Variants in PDE4D observed in about 807,000 individuals in gnomAD.
PDE4D encodes phosphodiesterase 4D.
PDE4D carries 24 observed loss-of-function variants against 87.4 expected under a neutral mutation model. The observed-to-expected ratio is 0.27, with a 90% CI of 0.20 to 0.39. The LOEUF is 0.39. PDE4D is among the 10% of genes least tolerant of loss of function. The pLI, the probability that PDE4D is intolerant of heterozygous loss-of-function variation, is 1.00. For synonymous variants in PDE4D, 384 were observed against 383.2 expected (o/e 1.00, Z -0.02); for missense variants, 714 against 1,041.0 (o/e 0.69, Z 4.32).
intron 1 of PDE4D, among the ~76,000 whole-genome samples, chr5:60,408,517 A>C (rs898106815): frequency 6.6e-6 from 1 of 152,210 alleles, no homozygotes; most frequent in Non-Finnish European, 1.5e-5. Context: ...TCCTTCTGTC[A>C]ATCACATAAT....
intron 1 of PDE4D, among the ~76,000 whole-genome samples, chr5:59,499,722 G>A (rs537208389): frequency 6.6e-6 from 1 of 151,984 alleles, no homozygotes; most frequent in African/African-American, 2.4e-5. Flanking sequence ...GATTAAACCA[G>A]GAAGAAACTG....
At chr5:59,762,266 AT>A (rs1457408638) in intron 1 of PDE4D, among the ~76,000 whole-genome samples, 2 of 44,250 alleles carry the variant, frequency 4.5e-5, no homozygotes, top group African/African-American at 1.6e-4. Flanking sequence ...ATATGCGTAT[AT>A]GTGTATATGG....
At chr5:59,850,035 C>A (rs1171337681) in intron 1 of PDE4D, among the ~76,000 whole-genome samples, 1 of 151,960 alleles carries the variant, frequency 6.6e-6, no homozygotes, top group African/African-American at 2.4e-5. Context: ...TATATCCATA[C>A]TAGAGATTTG....
At chr5:60,486,342 C>T (rs1359145100) in intron 1 of PDE4D, among the ~76,000 whole-genome samples, 2 of 152,194 alleles carry the variant, frequency 1.3e-5, no homozygotes, top group East Asian at 3.9e-4. Flanking sequence ...TATTCTGGGT[C>T]AATAAATGAA....
rs537409607 is a variant in PDE4D at position 59,435,263 on chromosome 5, G to A, written c.456-219295C>T. Among the ~76,000 whole-genome samples, 18 of 152,178 alleles carry A rather than the reference G, an allele frequency of 1.2e-4. 1 individual carries two copies. The South Asian group carries it at 3.7e-3, about 32-fold the overall frequency. ...AAGGACATGAACATGTGAGTCCTTTGCTTGAAATTATCCAATAGTTCCACA... is the reference window on the plus strand; with the variant it reads ...AAGGACATGAACATGTGAGTCCTTTACTTGAAATTATCCAATAGTTCCACA... On this transcript the variant is annotated intron_variant, in intron 1 of 14. Transcript: ENST00000340635.
chr5:59,559,059 TATTTAAATCAA>T lies in PDE4D; in HGVS notation c.455+334098_455+334108del, dbSNP rs1284673480. 1.2e-4 allele frequency among the ~76,000 whole-genome samples: 18 copies of T among 152,274 alleles called. No homozygotes were observed. In the East Asian group the frequency reaches 2.5e-3, roughly 21 times the overall value. On this transcript the variant is annotated intron_variant, in intron 1 of 14. Coordinates refer to ENST00000340635, the MANE Select transcript of PDE4D (RefSeq NM_001104631.2). ...AAAGAGCATGAGCCAGAAATACTCA[TATTTAAATCAA>T]ATTATGGCTCTGTGCTCTGTGGTCA...
At chr5:59,349,259 A>G (rs1780121744) in intron 1 of PDE4D, among the ~76,000 whole-genome samples, 1 of 152,142 alleles carries the variant, frequency 6.6e-6, no homozygotes, top group Admixed American at 6.6e-5. Context: ...AGGCTTGTCA[A>G]TTATAGTTTG....
intron 5 of PDE4D, among the ~76,000 whole-genome samples, chr5:59,088,611 T>G (rs1372372372): frequency 6.6e-6 from 1 of 152,194 alleles, no homozygotes; most frequent in African/African-American, 2.4e-5. Flanking sequence ...CATGGAATAC[T>G]ATGAAGCCAT....
chr5:60,091,937 G>T (rs1394485118), intron 2 of PDE4D, among the ~76,000 whole-genome samples: 1 of 150,732 alleles, frequency 6.6e-6, no homozygotes, highest in African/African-American at 2.4e-5. Flanking sequence ...TGTAGTCCCA[G>T]CTACTCGGGA....
At chr5:59,037,489 G>A (rs1498605) in intron 6 of PDE4D, among the ~76,000 whole-genome samples, 34,988 of 152,122 alleles carry the variant, frequency 0.23, 5,551 homozygotes, top group East Asian at 0.76. Flanking sequence ...TTGTTACTCA[G>A]ATGAGAATAA....
At chr5:59,279,415 CTTTTA>C (rs1765409363) in intron 1 of PDE4D, among the ~76,000 whole-genome samples, 1 of 151,962 alleles carries the variant, frequency 6.6e-6, no homozygotes, top group Non-Finnish European at 1.5e-5. Flanking sequence ...CTAGAGGTTT[CTTTTA>C]TTTTATTACA....
At chr5:59,776,607 G>A (rs1328756784) in intron 1 of PDE4D, among the ~76,000 whole-genome samples, 1 of 152,136 alleles carries the variant, frequency 6.6e-6, no homozygotes, top group Admixed American at 6.5e-5. Context: ...TGATATCTGA[G>A]TCACAGCTTG....
At chr5:59,785,082 AC>A (rs1490946999) in intron 1 of PDE4D, among the ~76,000 whole-genome samples, 1 of 152,208 alleles carries the variant, frequency 6.6e-6, no homozygotes, top group African/African-American at 2.4e-5. Context: ...ATGAACTAAT[AC>A]AATGGGCAAA....
chr5:60,496,572 T>C (rs1215558264), intron 1 of PDE4D, among the ~76,000 whole-genome samples: 1 of 152,046 alleles, frequency 6.6e-6, no homozygotes, highest in Non-Finnish European at 1.5e-5. Flanking sequence ...TGTACTCACA[T>C]AATGAAAGAA....
At chr5:59,893,024 C>G in intron 1 of PDE4D, 144 bp downstream of exon 1, 1 of 790,292 alleles carries the variant, frequency 1.3e-6, no homozygotes, top group South Asian at 1.8e-5. Context: ...GATAGGCACA[C>G]CCCTGTTTGT....
chr5:59,544,946 A>C, intron 1 of PDE4D, among the ~76,000 whole-genome samples: 1 of 152,134 alleles, frequency 6.6e-6, no homozygotes, highest in Middle Eastern at 3.2e-3. Context: ...ATCTCACTCA[A>C]ATGTGTGGAT....
At chr5:60,439,770 C>G (rs756994080) in intron 1 of PDE4D, among the ~76,000 whole-genome samples, 17 of 152,090 alleles carry the variant, frequency 1.1e-4, no homozygotes, top group African/African-American at 9.7e-5. Flanking sequence ...CATGCAGTCT[C>G]TCACCTACAA....
At chr5:59,771,499 G>GAGAGAGAGAAGAAAGA (rs1554081503) in intron 1 of PDE4D, among the ~76,000 whole-genome samples, 2 of 19,730 alleles carry the variant, frequency 1.0e-4, no homozygotes, top group African/African-American at 1.4e-4. Context: ...GAGAGAGAGA[G>GAGAGAGAGAAGAAAGA]AAGAAAGAAA....
intron 1 of PDE4D, among the ~76,000 whole-genome samples, chr5:59,601,629 T>C (rs1427954598): frequency 6.6e-6 from 1 of 152,148 alleles, no homozygotes; most frequent in South Asian, 2.1e-4. Flanking sequence ...AAATAGGAAC[T>C]GAATCCTCAG....
Sources: gnomAD v4.1 joint callset for allele counts (sites outside exome capture counted in the v4.1 genomes callset) on GRCh38, gnomAD v4.1.1 for gene constraint, MANE v1.5 for transcripts, NCBI Gene and HGNC (gene_info 2026-07-23, HGNC 2026-07-21) for gene names.